The following SLC1A4 variants were observed in gnomAD, a reference collection of about 807,000 sequenced individuals.
The protein encoded by SLC1A4 is solute carrier family 1 member 4.
A neutral mutation model predicts 37.7 loss-of-function variants in SLC1A4; 19 were observed. The observed-to-expected ratio is 0.50, with a 90% CI of 0.35 to 0.74. SLC1A4 has a LOEUF of 0.74. Among genes scored for constraint, SLC1A4 ranks in the 30% least tolerant of loss-of-function variants. The probability of loss-of-function intolerance (pLI) is 0.01; values close to 1 mark genes in which losing one functional copy is unlikely to be tolerated. For missense variants in SLC1A4, 570 were observed against 712.9 expected, an observed-to-expected ratio of 0.80 and a Z score of 2.28; for synonymous variants, 299 against 309.8, an observed-to-expected ratio of 0.97 and a Z score of 0.37.
intron 3 of SLC1A4, among the ~76,000 whole-genome samples, chr2:65,009,373 CAAAAAGAAAAAA>C (rs60618589): frequency 0.13 from 15,253 of 118,712 alleles, 986 homozygotes; most frequent in Middle Eastern, 0.23. Context: ...AACTCTGTCT[CAAAAAGAAAAAA>C]AAAAAGAAAA....
chr2:64,998,540 C>A (rs1558515801), intron 1 of SLC1A4, among the ~76,000 whole-genome samples: 1 of 151,914 alleles, frequency 6.6e-6, no homozygotes, highest in African/African-American at 2.4e-5. Flanking sequence ...TTTTGGGGGG[C>A]AGAAGTTGCT....
chr2:65,012,011 C>T (rs1441727948), intron 4 of SLC1A4, among the ~76,000 whole-genome samples: 3 of 151,492 alleles, frequency 2.0e-5, no homozygotes, highest in Non-Finnish European at 2.9e-5. Context: ...TCAGGCGATC[C>T]GCCTGCCTCA....
chr2:65,008,127 G>C (rs1049407697), intron 3 of SLC1A4, among the ~76,000 whole-genome samples: 1 of 152,162 alleles, frequency 6.6e-6, no homozygotes, highest in Non-Finnish European at 1.5e-5. Context: ...ATTGAATCTT[G>C]ACCCTTAATT....
chr2:65,018,018 T>A lies in SLC1A4; in HGVS notation c.1035-53T>A. 6.5e-7 allele frequency: 1 copy of A among 1,527,986 alleles called. No individual in the cohort carries two copies. The highest frequency in any genetic ancestry group is 1.1e-5 in the South Asian group (1 of 87,188). The allele number at this position is 1,527,986 out of a possible 1,614,324, so 94.7% of individuals were successfully genotyped here. On this transcript the variant is annotated intron_variant, in intron 5 of 7. Coordinates refer to ENST00000234256, the MANE Select transcript of SLC1A4 (RefSeq NM_003038.5). This position sits in a 1 kb window ranked among gnomAD's most constrained non-coding sequence, Gnocchi z 4.3. Reference sequence around the variant, plus strand: ...CTGGGGTCTGAGACAAGACACATGTTAGCCTGCCTCGGACTGTTGTCATGT... The same window carrying A: ...CTGGGGTCTGAGACAAGACACATGTAAGCCTGCCTCGGACTGTTGTCATGT...
intron 1 of SLC1A4, among the ~76,000 whole-genome samples, chr2:64,996,710 T>C (rs913558070): frequency 1.3e-5 from 2 of 152,214 alleles, no homozygotes; most frequent in Admixed American, 6.5e-5. Flanking sequence ...GGCATTTCAG[T>C]TGGACAGTGC....
intron 1 of SLC1A4, among the ~76,000 whole-genome samples, chr2:64,992,993 G>C (rs758756949): frequency 6.6e-6 from 1 of 152,298 alleles, no homozygotes; most frequent in Non-Finnish European, 1.5e-5. Flanking sequence ...TTAAAAAATT[G>C]CTTCCTTCAA....
intron 1 of SLC1A4, among the ~76,000 whole-genome samples, chr2:64,995,474 C>G (rs1673218892): frequency 6.6e-6 from 1 of 152,194 alleles, no homozygotes; most frequent in Admixed American, 6.5e-5. Flanking sequence ...GATCCCCACT[C>G]CAGGGGTTCA....
chr2:65,018,667 T>C lies in SLC1A4; in HGVS notation c.1352T>C (p.Val451Ala). 2 of 1,614,176 alleles carry C rather than the reference T, an allele frequency of 1.2e-6. No individual in the cohort carries two copies. The highest frequency in any genetic ancestry group is 1.3e-5 in the African/African-American group (1 of 75,042). The change falls in exon 7 of 8, where the codon GTG (valine) becomes GCG (alanine). Residue 451 changes from valine (V) to alanine (A), a missense_variant. By Grantham distance (64) the Val-to-Ala change is moderately conservative (BLOSUM62 0). Coordinates refer to ENST00000234256, the MANE Select transcript of SLC1A4 (RefSeq NM_003038.5). This position sits in a 1 kb window ranked among gnomAD's most constrained non-coding sequence, Gnocchi z 4.3. ...CATGACCTGCCTCTGATCCTGGCTG[T>C]GGACTGGATTGTGTAAGTAACAAGT... is the stretch of plus-strand genomic sequence containing the variant. ...PTHDLPLILA[V>A]DWIVDRTTTV...
intron 7 of SLC1A4, among the ~76,000 whole-genome samples, chr2:65,019,649 C>T (rs545135432): frequency 6.6e-6 from 1 of 152,286 alleles, no homozygotes; most frequent in Non-Finnish European, 1.5e-5. Flanking sequence ...AGGGGCTTCT[C>T]AGAGCAATGA....
At position 65,021,587 on chromosome 2, in the gene SLC1A4, T is replaced by A. The variant is rs971783593; in HGVS notation, c.*441T>A. 1 of 159,808 alleles carries A rather than the reference T, an allele frequency of 6.3e-6. No individual in the cohort carries two copies. Among genetic ancestry groups the A allele is most frequent in the African/African-American group, 2.4e-5 (1 of 41,592 alleles). 9.9% of individuals were successfully genotyped at this position (159,808 alleles called of 1,614,324 possible). Reference sequence around the variant, plus strand: ...TCGCATTGCCTCGAGTTGCAGTAATTGAAAAAATGCTCAAATTCTTAGCCA... The same window carrying A: ...TCGCATTGCCTCGAGTTGCAGTAATAGAAAAAATGCTCAAATTCTTAGCCA... On this transcript the variant is annotated 3_prime_UTR_variant, in exon 8 of 8. Coordinates refer to ENST00000234256, the MANE Select transcript of SLC1A4 (RefSeq NM_003038.5).
At chr2:65,003,530 G>A (rs1039706297) in intron 2 of SLC1A4, among the ~76,000 whole-genome samples, 2 of 152,080 alleles carry the variant, frequency 1.3e-5, no homozygotes, top group African/African-American at 4.8e-5. Context: ...GAACAAAGTG[G>A]GGCATAAATA....
Position 65,018,723 on chromosome 2 carries a change from G to C in SLC1A4, c.1364+44G>C, listed in dbSNP as rs748998463. 1 of 1,609,706 alleles carries C rather than the reference G, an allele frequency of 6.2e-7. No homozygotes were observed. The highest frequency in any genetic ancestry group is 8.5e-7 in the Non-Finnish European group (1 of 1,177,998). The stretch of plus-strand genomic sequence containing the variant: ...GAACACCAAAAAGAGTCTGCACTGA[G>C]TTCCCTAGGAGCTTAGCACTGCTGG... On this transcript the variant is annotated intron_variant, in intron 7 of 7. Coordinates refer to ENST00000234256, the MANE Select transcript of SLC1A4 (RefSeq NM_003038.5). The surrounding 1 kb of genome is among the most constrained non-coding windows in gnomAD (Gnocchi z 4.3).
chr2:65,001,294 T>C (rs917014753), intron 1 of SLC1A4, 154 bp from the exon 2 acceptor site: 1 of 661,436 alleles, frequency 1.5e-6, no homozygotes, highest in Middle Eastern at 4.0e-4. Flanking sequence ...CCCAACACTT[T>C]GGGAGGCTGA....
In SLC1A4 at chr2:65,023,808, A is replaced by G. The variant is rs961652991; in HGVS notation, c.*2662A>G. On this transcript the variant is annotated 3_prime_UTR_variant, in exon 8 of 8. Coordinates refer to ENST00000234256, the MANE Select transcript of SLC1A4 (RefSeq NM_003038.5). ...CTCATCTGACTGTTTTGTACATGTG[A>G]CAATTGCCTTAAAACCTAGCACAGT... The G allele has an allele frequency of 2.0e-5, 3 of 152,672 alleles. No individual in the cohort carries two copies. Among genetic ancestry groups the G allele is most frequent in the African/African-American group, 7.2e-5 (3 of 41,450 alleles). 9.5% of individuals were successfully genotyped at this position (152,672 alleles called of 1,614,324 possible).
At chr2:65,007,373 G>T (rs1057213335) in intron 3 of SLC1A4, among the ~76,000 whole-genome samples, 2 of 152,034 alleles carry the variant, frequency 1.3e-5, no homozygotes, top group African/African-American at 2.4e-5. Context: ...AGATGTGGGG[G>T]AAAAGTGATG....
intron 3 of SLC1A4, among the ~76,000 whole-genome samples, chr2:65,005,821 C>G (rs543662145): frequency 6.6e-6 from 1 of 151,594 alleles, no homozygotes; most frequent in South Asian, 2.1e-4. Context: ...GAGCAAGACC[C>G]CATCACTACA....
chr2:65,010,809 A>T, intron 4 of SLC1A4, 46 bp downstream of exon 4: 1 of 1,575,148 alleles, frequency 6.3e-7, no homozygotes, highest in Non-Finnish European at 8.6e-7. Context: ...TCCTCCTGCC[A>T]TCCAGAAAAG....
chr2:65,012,336 G>A (rs1392419944), intron 4 of SLC1A4, among the ~76,000 whole-genome samples: 4 of 152,110 alleles, frequency 2.6e-5, no homozygotes, highest in Middle Eastern at 3.4e-3. Context: ...TGATCTGCCC[G>A]CCTCAGCCTC....
chr2:64,992,850 A>C (rs74868529), intron 1 of SLC1A4, among the ~76,000 whole-genome samples: 3,600 of 152,268 alleles, frequency 0.024, 131 homozygotes, highest in African/African-American at 0.08. Context: ...GTGGAGGCTG[A>C]GCTCCTCAAG....
Sources: allele counts gnomAD v4.1 joint callset (sites outside exome capture counted in the v4.1 genomes callset), GRCh38; gene constraint gnomAD v4.1.1; non-coding constraint Gnocchi (gnomAD v3.1); transcripts MANE v1.5; gene names NCBI Gene and HGNC (gene_info 2026-07-23, HGNC 2026-07-21).